ITPR2: variants seen among roughly 807,000 people sequenced by gnomAD.
The protein encoded by ITPR2 is inositol 1,4,5-trisphosphate receptor type 2, also known as inositol 1,4,5-trisphosphate-gated calcium channel ITPR2.
ITPR2 carries 207 observed loss-of-function variants against 317.1 expected under a neutral mutation model. That is an observed-to-expected ratio of 0.65 (90% confidence interval 0.58 to 0.73). The LOEUF (loss-of-function observed/expected upper bound fraction) is 0.73. ITPR2 is among the 30% of genes least tolerant of loss of function. ITPR2 has a pLI of 0.00. For synonymous variants in ITPR2, 1,156 were observed against 1,149.1 expected, an observed-to-expected ratio of 1.01 and a Z score of -0.12; for missense variants, 2,613 against 3,284.0, an observed-to-expected ratio of 0.80 and a Z score of 4.99.
intron 13 of ITPR2, among the ~76,000 whole-genome samples, chr12:26,672,313 C>A (rs973719589): frequency 5.9e-5 from 9 of 152,032 alleles, no homozygotes; most frequent in African/African-American, 2.2e-4. Context: ...AAGCTCTCCT[C>A]AGCAAATGTA....
intron 21 of ITPR2, among the ~76,000 whole-genome samples, chr12:26,647,041 G>A (rs1282632632): frequency 6.6e-6 from 1 of 152,198 alleles, no homozygotes. Context: ...AGGATGGGCA[G>A]GAAGACAACA....
At chr12:26,769,606 CAAGT>C (rs1278012493) in intron 2 of ITPR2, among the ~76,000 whole-genome samples, 6 of 152,124 alleles carry the variant, frequency 3.9e-5, no homozygotes, top group South Asian at 2.1e-4. Context: ...GAGAGAAAAA[CAAGT>C]AAGACTCACC....
Position 26,621,296 on chromosome 12 carries a change from C to A in ITPR2, c.3289G>T (p.Val1097Leu), listed in dbSNP as rs1336295058. 1 of 1,598,778 alleles carries A rather than the reference C, an allele frequency of 6.3e-7. No individual in the cohort carries two copies. The highest frequency in any genetic ancestry group is 1.1e-5 in the South Asian group (1 of 88,122). Residue 1097 changes from valine to leucine, a missense_variant and splice_region_variant, in exon 26 of 57, where the codon GTG (valine) becomes TTG (leucine). Around this residue, in one of 9 missense-constraint regions of ITPR2, gnomAD observed 817 missense variants for 897.6 expected, o/e 0.91. Transcript: ENST00000381340. ...RAEVLQAFKQVQLLVSNQDVD... is the reference protein window; with the variant it reads ...RAEVLQAFKQLQLLVSNQDVD... The stretch of plus-strand genomic sequence containing the variant: ...TCTTGATTAGACACCAGTAATTGCA[C>A]CTAAAACAGAAGAATTTCAATCTTA...
intron 49 of ITPR2, chr12:26,419,843 TAAACA>T (rs935232211): frequency 4.6e-5 from 7 of 152,172 alleles, no homozygotes; most frequent in Non-Finnish European, 8.8e-5. Flanking sequence ...AGTACTATTT[TAAACA>T]AGTAAGTGAT....
In ITPR2 at chr12:26,666,063, T is replaced by A. The variant is rs2136925218; in HGVS notation, c.1410-12A>T. Reference sequence around the variant, plus strand: ...ATTTGGTTACAAACCTATTACAAAATGAAAAGGAAATTTTACTTTACAGTG... The same window carrying A: ...ATTTGGTTACAAACCTATTACAAAAAGAAAAGGAAATTTTACTTTACAGTG... On this transcript the variant is annotated splice_polypyrimidine_tract_variant and intron_variant, in intron 13 of 56. Transcript: ENST00000381340. The A allele has an allele frequency of 6.2e-7, 1 of 1,602,724 alleles. No homozygotes were observed. Among genetic ancestry groups the A allele is most frequent in the Non-Finnish European group, 8.5e-7 (1 of 1,175,984 alleles).
intron 35 of ITPR2, among the ~76,000 whole-genome samples, chr12:26,560,640 C>A (rs1446527643): frequency 6.6e-6 from 1 of 152,144 alleles, no homozygotes; most frequent in Non-Finnish European, 1.5e-5. Context: ...CTGGCTTAGA[C>A]CTTAAGTAAC....
chr12:26,508,517 A>G (rs1943247489), intron 37 of ITPR2, among the ~76,000 whole-genome samples: 1 of 152,210 alleles, frequency 6.6e-6, no homozygotes, highest in Non-Finnish European at 1.5e-5. Flanking sequence ...CTACATTAAA[A>G]TTAGTAAGGA....
intron 37 of ITPR2, among the ~76,000 whole-genome samples, chr12:26,517,489 C>T (rs1343479356): frequency 6.6e-6 from 1 of 152,022 alleles, no homozygotes; most frequent in Admixed American, 6.6e-5. Flanking sequence ...AAATCAAAAC[C>T]ACAATGAGAT....
chr12:26,679,595 C>T (rs1767208058), intron 13 of ITPR2, among the ~76,000 whole-genome samples: 1 of 152,132 alleles, frequency 6.6e-6, no homozygotes. Context: ...TTAAACACCC[C>T]CAAAGAAATG....
intron 37 of ITPR2, among the ~76,000 whole-genome samples, chr12:26,529,360 TC>T (rs1310826589): frequency 5.9e-5 from 9 of 152,202 alleles, no homozygotes; most frequent in Admixed American, 4.6e-4. Flanking sequence ...CACACTGGCT[TC>T]CTTGATGGTT....
intron 2 of ITPR2, among the ~76,000 whole-genome samples, chr12:26,739,902 A>G (rs1026648235): frequency 6.6e-6 from 1 of 152,272 alleles, no homozygotes; most frequent in African/African-American, 2.4e-5. Flanking sequence ...GAAAAAAGAT[A>G]AACTTTAAAG....
chr12:26,805,842 T>C (rs1003255786), intron 1 of ITPR2, among the ~76,000 whole-genome samples: 18 of 151,702 alleles, frequency 1.2e-4, no homozygotes, highest in African/African-American at 4.1e-4. Context: ...CATTAAGGAA[T>C]GGAAGGCCAG....
rs1565643934 is a variant in ITPR2 at position 26,617,662 on chromosome 12, G to GGGAAGGAA, written c.3462+3460_3462+3461insTTCCTTCC. Among the ~76,000 whole-genome samples, 107 of 122,388 alleles carry GGGAAGGAA rather than the reference G, an allele frequency of 8.7e-4. 2 individuals carry two copies. In the East Asian group the frequency reaches 0.013, roughly 15 times the overall value. The allele number at this position is 122,388 out of a possible 152,430, so 80.3% of individuals were successfully genotyped here. A position where few individuals can be genotyped will look rare whatever the true frequency, so the allele number is the denominator to read the frequency against. On this transcript the variant is annotated intron_variant, in intron 26 of 56. Coordinates refer to ENST00000381340, the MANE Select transcript of ITPR2 (RefSeq NM_002223.4). Reference sequence around the variant, plus strand: ...AAAAAGAAAAGAAAGGAGGGACGGAGGGAGGGAAGGAAGGAGGGAAGGAAG... The same window carrying GGGAAGGAA: ...AAAAAGAAAAGAAAGGAGGGACGGAGGGAAGGAAGGAGGGAAGGAAGGAGGGAAGGAAG...
intron 1 of ITPR2, among the ~76,000 whole-genome samples, chr12:26,809,662 G>A (rs1450852008): frequency 1.3e-5 from 2 of 152,040 alleles, no homozygotes; most frequent in East Asian, 3.8e-4. Context: ...TTTTCAACTG[G>A]TTTTCAGGGG....
chr12:26,348,167 C>A (rs1938365874), intron 55 of ITPR2, among the ~76,000 whole-genome samples: 1 of 152,216 alleles, frequency 6.6e-6, no homozygotes, highest in African/African-American at 2.4e-5. Context: ...TCTCTTTGCA[C>A]TTTTTGTCTG....
chr12:26,560,465 C>CCT (rs1327658725), intron 35 of ITPR2, among the ~76,000 whole-genome samples: 3 of 152,184 alleles, frequency 2.0e-5, no homozygotes, highest in Admixed American at 2.0e-4. Context: ...CTCCTCTGCT[C>CCT]TTAAAATAAA....
chr12:26,614,613 A>G (rs1017814372), intron 26 of ITPR2, among the ~76,000 whole-genome samples: 1 of 152,248 alleles, frequency 6.6e-6, no homozygotes, highest in Non-Finnish European at 1.5e-5. Flanking sequence ...AGGGACTATT[A>G]TTCAGCAATA....
intron 8 of ITPR2, among the ~76,000 whole-genome samples, chr12:26,714,583 T>G (rs1037375261): frequency 2.1e-4 from 32 of 152,122 alleles, no homozygotes; most frequent in African/African-American, 7.0e-4. Context: ...TTTAGAATAT[T>G]AAAGGGAGTG....
intron 2 of ITPR2, among the ~76,000 whole-genome samples, chr12:26,731,447 A>G (rs2170639): frequency 0.038 from 5,777 of 152,290 alleles, 200 homozygotes; most frequent in African/African-American, 0.096. Context: ...AGTGGTTAAA[A>G]AAGAAACTCT....
Sources: gnomAD v4.1 joint callset for allele counts (sites outside exome capture counted in the v4.1 genomes callset) on GRCh38, gnomAD v4.1.1 for gene constraint, gnomAD v4.1.1 regional missense constraint, MANE v1.5 for transcripts, NCBI Gene and HGNC (gene_info 2026-07-23, HGNC 2026-07-21) for gene names.